The following BMPER variants were observed in gnomAD, a reference collection of about 807,000 sequenced individuals.
BMPER encodes BMP-binding endothelial regulator protein.
BMPER carries 45 observed loss-of-function variants against 87.3 expected under a neutral mutation model. That is an observed-to-expected ratio of 0.52 (90% CI 0.41 to 0.66). The LOEUF (loss-of-function observed/expected upper bound fraction) is 0.66. BMPER is among the 30% of genes least tolerant of loss of function. BMPER has a pLI of 0.00. For synonymous variants in BMPER, 326 were observed against 316.2 expected (o/e 1.03, Z -0.33); for missense variants, 784 against 867.5 (o/e 0.90, Z 1.21).
At chr7:34,021,328 T>C (rs930622234) in intron 6 of BMPER, among the ~76,000 whole-genome samples, 4 of 152,044 alleles carry the variant, frequency 2.6e-5, no homozygotes, top group Non-Finnish European at 5.9e-5. Flanking sequence ...AAAAATATTC[T>C]AAATATTCCC....
chr7:34,108,186 G>C (rs536541191), intron 13 of BMPER, among the ~76,000 whole-genome samples: 1 of 152,330 alleles, frequency 6.6e-6, no homozygotes, highest in Admixed American at 6.5e-5. Flanking sequence ...CGGTGCTATT[G>C]ACGGGTTAAT....
chr7:34,093,947 G>C (rs1470772575), intron 13 of BMPER, among the ~76,000 whole-genome samples: 1 of 152,050 alleles, frequency 6.6e-6, no homozygotes, highest in Non-Finnish European at 1.5e-5. Flanking sequence ...GACATGAGGA[G>C]TGTTTTCCTC....
intron 13 of BMPER, among the ~76,000 whole-genome samples, chr7:34,098,079 T>G (rs1789576806): frequency 6.6e-6 from 1 of 152,162 alleles, no homozygotes; most frequent in African/African-American, 2.4e-5. Context: ...TGGACTTACT[T>G]GGCTGGGTCA....
chr7:34,044,975 G>T lies in BMPER; in HGVS notation c.577-1331G>T, dbSNP rs542499189. 3.9e-5 allele frequency among the ~76,000 whole-genome samples: 6 copies of T among 152,264 alleles called. No individual in the cohort carries two copies. The South Asian group carries it at 1.0e-3, about 26-fold the overall frequency. The stretch of plus-strand genomic sequence containing the variant: ...AGGCTAACTCTGCTATGGCCAGAAA[G>T]GAGTGGGGAAGGTGTGAGGAAATGC... On this transcript the variant is annotated intron_variant, in intron 6 of 14. Coordinates refer to ENST00000649409, the MANE Select transcript of BMPER (RefSeq NM_001365308.1).
chr7:34,076,168 C>T (rs1266257338), intron 11 of BMPER, among the ~76,000 whole-genome samples: 3 of 152,192 alleles, frequency 2.0e-5, no homozygotes, highest in Non-Finnish European at 4.4e-5. Context: ...TTCTCCATTG[C>T]TTCCCGCCCA....
intron 6 of BMPER, among the ~76,000 whole-genome samples, chr7:34,038,965 G>A (rs1021036763): frequency 6.6e-6 from 1 of 152,170 alleles, no homozygotes; most frequent in Non-Finnish European, 1.5e-5. Context: ...CCTTGGAGAA[G>A]CACAGTTCTA....
chr7:34,061,156 C>T (rs1236601536), intron 10 of BMPER, among the ~76,000 whole-genome samples: 2 of 152,166 alleles, frequency 1.3e-5, no homozygotes, highest in African/African-American at 4.8e-5. Context: ...AATGTTATCA[C>T]ATAAGTAAAA....
intron 6 of BMPER, among the ~76,000 whole-genome samples, chr7:34,024,402 TATATATATATATATATATATATATATATA>T (rs1787299667): frequency 9.2e-5 from 2 of 21,776 alleles, no homozygotes; most frequent in Admixed American, 5.2e-4. Flanking sequence ...TATATATATA[TATATATATATATATATATATATATATATA>T]TATGTTGGGG....
intron 2 of BMPER, among the ~76,000 whole-genome samples, chr7:33,928,639 C>CAA (rs35451161): frequency 0.16 from 8,022 of 48,898 alleles, 600 homozygotes; most frequent in Non-Finnish European, 0.18. Context: ...TTGAAAAAGC[C>CAA]AAAAAAAAAA....
intron 6 of BMPER, among the ~76,000 whole-genome samples, chr7:34,017,527 A>G (rs1362276939): frequency 1.3e-5 from 2 of 151,848 alleles, no homozygotes; most frequent in African/African-American, 4.8e-5. Flanking sequence ...ATTACCTACC[A>G]CTGGGTCCCT....
chr7:34,101,279 G>A (rs146554662), intron 13 of BMPER, among the ~76,000 whole-genome samples: 102 of 152,320 alleles, frequency 6.7e-4, no homozygotes, highest in African/African-American at 2.2e-3. Flanking sequence ...TAGATGGAAT[G>A]TGATTCTAAT....
At chr7:33,948,056 A>G (rs916114019) in intron 3 of BMPER, among the ~76,000 whole-genome samples, 6 of 152,186 alleles carry the variant, frequency 3.9e-5, no homozygotes, top group African/African-American at 1.4e-4. Flanking sequence ...CTTTTAACCA[A>G]ACTTAGTTTG....
chr7:34,093,907 A>T (rs78406342), intron 13 of BMPER, among the ~76,000 whole-genome samples: 4,352 of 152,182 alleles, frequency 0.029, 211 homozygotes, highest in African/African-American at 0.099. Context: ...TTATGGGTGT[A>T]AAGATCTTTG....
intron 12 of BMPER, 114 bp from the exon 13 acceptor site, chr7:34,085,642 G>A (rs974098895): frequency 8.9e-6 from 9 of 1,012,534 alleles, no homozygotes; most frequent in Non-Finnish European, 1.4e-5. Context: ...CCAACCCTTG[G>A]TGCTCCTTAT....
chr7:34,083,412 T>C (rs1789107289), intron 12 of BMPER, among the ~76,000 whole-genome samples: 1 of 152,174 alleles, frequency 6.6e-6, no homozygotes, highest in Non-Finnish European at 1.5e-5. Context: ...TCTAAGTCTG[T>C]TTAATTTCTT....
chr7:34,017,425 G>A (rs1268869460), intron 6 of BMPER, among the ~76,000 whole-genome samples: 1 of 151,822 alleles, frequency 6.6e-6, no homozygotes, highest in Non-Finnish European at 1.5e-5. Flanking sequence ...GAGAGCTTGT[G>A]TGGGGAGCTC....
Position 34,055,256 on chromosome 7 carries a change from C to A in BMPER, c.880C>A (p.Pro294Thr). The A allele has an allele frequency of 6.2e-7, 1 of 1,614,114 alleles. No homozygotes were observed. The highest frequency in any genetic ancestry group is 8.5e-7 in the Non-Finnish European group (1 of 1,180,030). ...TTGTGAAGAGTGCCTCCTACGAGTG[C>A]CCCCAGAAGACATCAAAGTATGCAA... is the stretch of plus-strand genomic sequence containing the variant. Reference protein sequence around the residue: ...GCCEECLLRVPPEDIKVCKFG... With the variant: ...GCCEECLLRVTPEDIKVCKFG... The change falls in exon 9 of 15, where the codon CCC becomes ACC. Residue 294 changes from proline to threonine, a missense_variant. By Grantham distance (38) the Pro-to-Thr change is conservative (BLOSUM62 -1). Transcript: ENST00000649409.
At chr7:34,022,705 CAAAA>C (rs74837974) in intron 6 of BMPER, among the ~76,000 whole-genome samples, 8 of 59,648 alleles carry the variant, frequency 1.3e-4, no homozygotes, top group East Asian at 5.0e-4. Flanking sequence ...TAAGGTTTGC[CAAAA>C]AAAAAAAAAA....
Position 33,955,114 on chromosome 7 carries a change from C to T in BMPER, c.320-11365C>T, listed in dbSNP as rs139481933. The stretch of plus-strand genomic sequence containing the variant: ...GTTTCTCCATGTTGGTCAGGCTGGT[C>T]TCAAACTCTCGATCTCAGGTGATTT... On this transcript the variant is annotated intron_variant, in intron 3 of 14. Transcript: ENST00000649409. Among the ~76,000 whole-genome samples the T allele has an allele frequency of 5.3e-3, 805 of 152,306 alleles. 6 individuals are homozygous for T. The highest frequency in any genetic ancestry group is 0.018 in the African/African-American group (765 of 41,568).
Sources: gnomAD v4.1 joint callset for allele counts (sites outside exome capture counted in the v4.1 genomes callset) on GRCh38, gnomAD v4.1.1 for gene constraint, MANE v1.5 for transcripts, NCBI Gene and HGNC (gene_info 2026-07-23, HGNC 2026-07-21) for gene names.